PHACTR1: variants seen among roughly 807,000 people sequenced by gnomAD.
PHACTR1 encodes the protein RPEL repeat containing 1.
Under a neutral mutation model 69.2 loss-of-function variants are expected in PHACTR1, and 16 were observed. The observed-to-expected ratio is 0.23, with a 90% CI of 0.16 to 0.35. The LOEUF (loss-of-function observed/expected upper bound fraction) is 0.35, where lower values mean the gene tolerates loss of function less well. Among genes scored for constraint, PHACTR1 ranks in the 10% least tolerant of loss-of-function variants. PHACTR1 has a pLI of 1.00. For missense variants in PHACTR1, 510 were observed against 734.7 expected (o/e 0.69, Z 3.54); for synonymous variants, 312 against 284.5 (o/e 1.10, Z -0.97).
At chr6:12,879,969 A>G (rs564882944) in intron 4 of PHACTR1, among the ~76,000 whole-genome samples, 17 of 152,190 alleles carry the variant, frequency 1.1e-4, no homozygotes, top group African/African-American at 2.4e-4. Context: ...GTAAAAGGAT[A>G]CTCATTAAGG....
chr6:13,088,470 G>A (rs1010715307), intron 5 of PHACTR1, among the ~76,000 whole-genome samples: 3 of 152,180 alleles, frequency 2.0e-5, no homozygotes, highest in African/African-American at 7.2e-5. Context: ...TACCTAGGTG[G>A]TTCTGTACTC....
intron 5 of PHACTR1, among the ~76,000 whole-genome samples, chr6:13,127,514 G>C (rs1211574579): frequency 3.3e-5 from 5 of 152,200 alleles, no homozygotes; most frequent in Non-Finnish European, 7.3e-5. Context: ...AGGTTGCAGT[G>C]AGCTATGGTC....
intron 4 of PHACTR1, among the ~76,000 whole-genome samples, chr6:13,024,420 C>T (rs946734768): frequency 1.3e-5 from 2 of 152,202 alleles, no homozygotes; most frequent in African/African-American, 4.8e-5. Context: ...ACCTAATCCA[C>T]ATGATGAGAG....
intron 5 of PHACTR1, among the ~76,000 whole-genome samples, chr6:13,097,219 A>T (rs1024399042): frequency 3.3e-5 from 5 of 152,204 alleles, no homozygotes; most frequent in African/African-American, 1.2e-4. Context: ...TAGATCTTCA[A>T]ATGGTCTACT....
At chr6:13,178,311 G>A (rs1357325954) in intron 6 of PHACTR1, among the ~76,000 whole-genome samples, 2 of 152,172 alleles carry the variant, frequency 1.3e-5, no homozygotes, top group Non-Finnish European at 2.9e-5. Context: ...TCCTCATGCT[G>A]TCTGTCCCAT....
chr6:12,871,930 T>C (rs1043418587), intron 4 of PHACTR1, among the ~76,000 whole-genome samples: 7 of 149,654 alleles, frequency 4.7e-5, no homozygotes, highest in African/African-American at 1.7e-4. Context: ...AGTTTGTATG[T>C]GAAAGAGAGG....
intron 13 of PHACTR1, 133 bp from the exon 14 acceptor site, chr6:13,286,013 C>T (rs1232570675): frequency 1.4e-6 from 1 of 694,370 alleles, no homozygotes; most frequent in Admixed American, 3.6e-5. Context: ...TTTCTTCCTC[C>T]CAATGAAAGA....
intron 6 of PHACTR1, among the ~76,000 whole-genome samples, chr6:13,166,074 C>T (rs984504066): frequency 5.9e-5 from 9 of 152,206 alleles, no homozygotes; most frequent in African/African-American, 2.2e-4. Flanking sequence ...CCACTTCAGC[C>T]CTGCTTCCTG....
chr6:13,033,278 G>A (rs949368214), intron 4 of PHACTR1, among the ~76,000 whole-genome samples: 1 of 152,174 alleles, frequency 6.6e-6, no homozygotes, highest in Non-Finnish European at 1.5e-5. Flanking sequence ...AATGAAATGA[G>A]ACTATTTTCC....
chr6:13,029,940 A>G (rs1802221971), intron 4 of PHACTR1, among the ~76,000 whole-genome samples: 1 of 152,220 alleles, frequency 6.6e-6, no homozygotes, highest in Non-Finnish European at 1.5e-5. Context: ...CAGATGTGCC[A>G]CTTGCTAGTT....
rs914413882 is a variant in PHACTR1 at position 13,246,113 on chromosome 6, A to C, written c.1391+15920A>C. ...GACCCAGTCGGTGCTTAAAATTAAT[A>C]TCTCTCAAAAAAGAGAGAGAAATAG... is the stretch of plus-strand genomic sequence containing the variant. On this transcript the variant is annotated intron_variant, in intron 10 of 14. Coordinates refer to ENST00000332995, the MANE Select transcript of PHACTR1 (RefSeq NM_030948.6). The surrounding 1 kb of genome is among the most constrained non-coding windows in gnomAD (Gnocchi z 4.2). Among the ~76,000 whole-genome samples, 7 of 152,234 alleles carry C rather than the reference A, an allele frequency of 4.6e-5. No homozygotes were observed. The highest frequency in any genetic ancestry group is 1.2e-4 in the African/African-American group (5 of 41,468).
intron 4 of PHACTR1, among the ~76,000 whole-genome samples, chr6:13,040,397 G>A (rs1192395188): frequency 6.6e-6 from 1 of 152,128 alleles, no homozygotes; most frequent in Admixed American, 6.5e-5. Flanking sequence ...GTTAAGATGA[G>A]TTTCATTATG....
intron 4 of PHACTR1, among the ~76,000 whole-genome samples, chr6:12,777,828 C>T (rs1043113807): frequency 6.6e-6 from 1 of 152,066 alleles, no homozygotes; most frequent in Admixed American, 6.6e-5. Context: ...GACGGGGTTT[C>T]GCCATGTTGG....
intron 4 of PHACTR1, among the ~76,000 whole-genome samples, chr6:13,020,838 G>A (rs1036787415): frequency 6.6e-6 from 1 of 152,114 alleles, no homozygotes; most frequent in East Asian, 1.9e-4. Flanking sequence ...TTATTACAGT[G>A]GCTGTAAGGA....
intron 4 of PHACTR1, among the ~76,000 whole-genome samples, chr6:12,768,809 T>TACACACACACACACAC: frequency 8.1e-6 from 1 of 123,366 alleles, no homozygotes; most frequent in South Asian, 3.2e-4. Context: ...ATGTGCTATC[T>TACACACACACACACAC]ACACACACAC....
chr6:12,963,313 T>G, intron 4 of PHACTR1, among the ~76,000 whole-genome samples: 1 of 152,198 alleles, frequency 6.6e-6, no homozygotes, highest in South Asian at 2.1e-4. Context: ...CCTCCACAGC[T>G]GCACCGTTAC....
chr6:12,717,158 T>C (rs1003734089), intron 1 of PHACTR1, among the ~76,000 whole-genome samples: 1 of 152,142 alleles, frequency 6.6e-6, no homozygotes. Context: ...CTAACGTATG[T>C]TAAGCTAAAA....
At chr6:13,146,346 G>A (rs542911288) in intron 5 of PHACTR1, among the ~76,000 whole-genome samples, 1 of 152,292 alleles carries the variant, frequency 6.6e-6, no homozygotes, top group African/African-American at 2.4e-5. Context: ...GCTATGCATA[G>A]TTATGATTTT....
At chr6:13,100,299 C>G (rs751035668) in intron 5 of PHACTR1, among the ~76,000 whole-genome samples, 1 of 152,032 alleles carries the variant, frequency 6.6e-6, no homozygotes, top group Non-Finnish European at 1.5e-5. Context: ...TGATTGGAGG[C>G]AAAAGGTCTG....
Sources: allele counts gnomAD v4.1 joint callset (sites outside exome capture counted in the v4.1 genomes callset), GRCh38; gene constraint gnomAD v4.1.1; non-coding constraint Gnocchi (gnomAD v3.1); transcripts MANE v1.5; gene names NCBI Gene and HGNC (gene_info 2026-07-23, HGNC 2026-07-21).